IGF2R: variants seen among roughly 807,000 people sequenced by gnomAD.
The protein encoded by IGF2R is insulin like growth factor 2 receptor.
IGF2R carries 91 observed loss-of-function variants against 270.6 expected under a neutral mutation model. That is an observed-to-expected ratio of 0.34 (90% CI 0.28 to 0.40). The LOEUF (loss-of-function observed/expected upper bound fraction) is 0.40, where lower values mean the gene tolerates loss of function less well. Ranked by LOEUF, IGF2R falls within the 10% of genes least tolerant of loss-of-function variation. IGF2R has a pLI of 1.00. For synonymous variants in IGF2R, 1,316 were observed against 1,258.9 expected, an observed-to-expected ratio of 1.05 and a Z score of -0.96; for missense variants, 2,805 against 3,188.3, an observed-to-expected ratio of 0.88 and a Z score of 2.90.
chr6:160,084,975 C>G lies in IGF2R; in HGVS notation c.6069-20C>G. On this transcript the variant is annotated intron_variant, in intron 40 of 47. Transcript: ENST00000356956. The surrounding 1 kb of genome is among the most constrained non-coding windows in gnomAD (Gnocchi z 4.6). ...CGTCACTTGCATGCCTTTTACCTGC[C>G]CCTTTGTGTCGTTTTCTAGGTACTA... 2 of 1,603,940 alleles carry G rather than the reference C, an allele frequency of 1.2e-6. No homozygotes were observed. Among genetic ancestry groups the G allele is most frequent in the South Asian group, 2.2e-5 (2 of 90,758 alleles).
intron 4 of IGF2R, among the ~76,000 whole-genome samples, chr6:160,014,938 T>G (rs1020671835): frequency 6.6e-6 from 1 of 152,192 alleles, no homozygotes; most frequent in African/African-American, 2.4e-5. Context: ...GTAGAAACAC[T>G]TAGGTGTCTG....
rs1273337094 is a variant in IGF2R, at chr6:160,111,075, A to G, written c.*5991A>G. ...GATCTTGTGTTCTTTCCCCTCTCCA[A>G]ATAAAAGGAAATTATTTGAGGTGAT... is the stretch of plus-strand genomic sequence containing the variant. On this transcript the variant is annotated 3_prime_UTR_variant, in exon 48 of 48. Coordinates refer to ENST00000356956, the MANE Select transcript of IGF2R (RefSeq NM_000876.4). The G allele has an allele frequency of 6.6e-6, 1 of 152,196 alleles. No homozygotes were observed. The highest frequency in any genetic ancestry group is 1.5e-5 in the Non-Finnish European group (1 of 68,040). 9.4% of individuals were successfully genotyped at this position (152,196 alleles called of 1,614,324 possible). A position where few individuals can be genotyped will look rare whatever the true frequency, so the allele number is the denominator to read the frequency against.
intron 32 of IGF2R, 98 bp from the exon 33 acceptor site, chr6:160,072,667 C>T (rs867825620): frequency 2.6e-5 from 36 of 1,372,432 alleles, no homozygotes; most frequent in African/African-American, 1.6e-4. Context: ...TCAGAAGTCC[C>T]GATGCTGACA....
At chr6:160,071,830 C>T (rs1408211519) in intron 31 of IGF2R, 80 bp from the exon 32 acceptor site, 24 of 1,549,638 alleles carry the variant, frequency 1.5e-5, no homozygotes, top group Non-Finnish European at 2.1e-5. Flanking sequence ...TTCAGAGAAG[C>T]TTCCACTTGT....
In IGF2R at chr6:160,107,068, C is replaced by T. The variant is rs8191970; in HGVS notation, c.*1984C>T. ...TCCTGTAGAGTCCAAAAACCTCAAC[C>T]GTCTCATTTTTAAATTATCCAATTG... is the stretch of plus-strand genomic sequence containing the variant. On this transcript the variant is annotated 3_prime_UTR_variant, in exon 48 of 48. Coordinates refer to ENST00000356956, the MANE Select transcript of IGF2R (RefSeq NM_000876.4). The T allele has an allele frequency of 1.3e-5, 2 of 152,282 alleles. No homozygotes were observed. The highest frequency in any genetic ancestry group is 2.4e-5 in the African/African-American group (1 of 41,558). 9.4% of individuals were successfully genotyped at this position (152,282 alleles called of 1,614,324 possible).
chr6:159,979,513 C>T (rs931968972), intron 1 of IGF2R, among the ~76,000 whole-genome samples: 1 of 152,170 alleles, frequency 6.6e-6, no homozygotes, highest in South Asian at 2.1e-4. Flanking sequence ...TGACAGGCAG[C>T]GTGAGCTCAT....
At chr6:160,087,294 A>G (rs1779115557) in intron 41 of IGF2R, among the ~76,000 whole-genome samples, 1 of 152,206 alleles carries the variant, frequency 6.6e-6, no homozygotes, top group Non-Finnish European at 1.5e-5. Context: ...AAAGCACCTA[A>G]TATGATAGAG....
At chr6:160,018,334 C>T (rs1040919729) in intron 4 of IGF2R, among the ~76,000 whole-genome samples, 1 of 152,048 alleles carries the variant, frequency 6.6e-6, no homozygotes, top group Admixed American at 6.5e-5. Flanking sequence ...ATGCATGCAA[C>T]TCTAGAGCAC....
In IGF2R at chr6:160,060,710, A is replaced by G. The variant is rs1339552652; in HGVS notation, c.3255A>G (p.Gln1085=). The change falls in exon 23 of 48, where the codon CAA becomes CAG. Residue 1085 remains glutamine (Q), a synonymous_variant. Coordinates refer to ENST00000356956, the MANE Select transcript of IGF2R (RefSeq NM_000876.4). ...GTGTTCCTTCTCCAGTGGACTGCCA[A>G]GTCACCGGTAAGGCCGTGCGGCCTA... is the stretch of plus-strand genomic sequence containing the variant. ...LACVPSPVDC[Q]VTDLAGNEYD... is the part of the protein sequence containing the mutation. The G allele has an allele frequency of 6.2e-7, 1 of 1,614,126 alleles. No homozygotes were observed. The highest frequency in any genetic ancestry group is 8.5e-7 in the Non-Finnish European group (1 of 1,180,052).
chr6:160,072,806 T>C lies in IGF2R; in HGVS notation c.4612T>C (p.Phe1538Leu). The C allele has an allele frequency of 6.2e-7, 1 of 1,614,180 alleles. No homozygotes were observed. The highest frequency in any genetic ancestry group is 1.1e-5 in the South Asian group (1 of 91,084). Reference protein sequence around the residue: ...DLSSLSGRAGFTAAYSEKGLV... With the variant: ...DLSSLSGRAGLTAAYSEKGLV... Reference sequence around the variant, plus strand: ...GAGCTCCTTAAGTGGCAGGGCGGGATTCACAGCTGCTTACAGCGAGAAGGG... The same window carrying C: ...GAGCTCCTTAAGTGGCAGGGCGGGACTCACAGCTGCTTACAGCGAGAAGGG... Residue 1538 changes from phenylalanine (F) to leucine (L), a missense_variant, in exon 33 of 48, where the codon TTC becomes CTC. By Grantham distance (22) the Phe-to-Leu change is conservative. Coordinates refer to ENST00000356956, the MANE Select transcript of IGF2R (RefSeq NM_000876.4).
chr6:160,099,736 C>G (rs9456502), intron 45 of IGF2R, among the ~76,000 whole-genome samples: 1 of 152,042 alleles, frequency 6.6e-6, no homozygotes, highest in Non-Finnish European at 1.5e-5. Context: ...AGTCGCTTCA[C>G]GGAAGGTTGC....
chr6:160,100,006 T>C (rs891315025), intron 45 of IGF2R, among the ~76,000 whole-genome samples: 6 of 152,074 alleles, frequency 3.9e-5, no homozygotes, highest in Admixed American at 2.6e-4. Context: ...TAAAATAATA[T>C]AAATATAGTA....
At chr6:160,048,151 C>T (rs1465639071) in intron 17 of IGF2R, among the ~76,000 whole-genome samples, 2 of 152,218 alleles carry the variant, frequency 1.3e-5, no homozygotes, top group Admixed American at 1.3e-4. Flanking sequence ...CAATGACTGT[C>T]AGTGCAGAGG....
intron 41 of IGF2R, among the ~76,000 whole-genome samples, chr6:160,086,954 A>T (rs1256840961): frequency 5.9e-5 from 9 of 151,668 alleles, no homozygotes; most frequent in African/African-American, 2.2e-4. Context: ...TCATCTGTCC[A>T]TGCAGCCAGG....
At chr6:160,009,164 C>A in intron 3 of IGF2R, 30 bp downstream of exon 3, 1 of 1,566,500 alleles carries the variant, frequency 6.4e-7, no homozygotes, top group Non-Finnish European at 8.6e-7. Context: ...TGATGTATTT[C>A]TTTAAAAAAA....
intron 1 of IGF2R, among the ~76,000 whole-genome samples, chr6:159,970,810 G>A (rs1402158625): frequency 1.3e-5 from 2 of 152,254 alleles, no homozygotes; most frequent in Non-Finnish European, 2.9e-5. Flanking sequence ...TGGGCGCGGT[G>A]GCTCATGCCC....
At chr6:160,048,629 T>C (rs1403446312) in intron 18 of IGF2R, 86 bp downstream of exon 18, 2 of 1,386,392 alleles carry the variant, frequency 1.4e-6, no homozygotes, top group Admixed American at 2.1e-5. Flanking sequence ...GACATCCAGA[T>C]CAAAGGCAGC....
At chr6:160,027,404 A>G (rs368207301) in intron 6 of IGF2R, 90 bp downstream of exon 6, 1 of 1,423,734 alleles carries the variant, frequency 7.0e-7, no homozygotes, top group Non-Finnish European at 9.4e-7. Context: ...TTTTTCAGCA[A>G]GGCTTGGGAT....
chr6:160,010,916 A>C (rs1784324097), intron 4 of IGF2R, 131 bp downstream of exon 4: 2 of 583,684 alleles, frequency 3.4e-6, no homozygotes, highest in East Asian at 5.7e-5. Flanking sequence ...CAGAGATACC[A>C]TGTGATTTAA....
Sources: gnomAD v4.1 joint callset for allele counts (sites outside exome capture counted in the v4.1 genomes callset) on GRCh38, gnomAD v4.1.1 for gene constraint, Gnocchi (gnomAD v3.1) non-coding constraint, MANE v1.5 for transcripts, NCBI Gene and HGNC (gene_info 2026-07-23, HGNC 2026-07-21) for gene names.